The following DPP10 variants were observed in gnomAD, a reference collection of about 807,000 sequenced individuals.
DPP10 encodes inactive dipeptidyl peptidase 10.
A neutral mutation model predicts 120.9 loss-of-function variants in DPP10; 33 were observed. The observed-to-expected ratio is 0.27, with a 90% CI of 0.21 to 0.37. The LOEUF is 0.37. Among genes scored for constraint, DPP10 ranks in the 10% least tolerant of loss-of-function variants. The probability of loss-of-function intolerance (pLI) is 1.00; values close to 1 mark genes in which losing one functional copy is unlikely to be tolerated. For missense variants in DPP10, 816 were observed against 942.8 expected, an observed-to-expected ratio of 0.87 and a Z score of 1.76; for synonymous variants, 337 against 326.1, an observed-to-expected ratio of 1.03 and a Z score of -0.36.
chr2:115,402,258 C>T (rs961401737), intron 3 of DPP10, among the ~76,000 whole-genome samples: 21 of 152,116 alleles, frequency 1.4e-4, no homozygotes, highest in Admixed American at 6.5e-5. Flanking sequence ...ACCATTCAGG[C>T]ACTCTTTACA....
chr2:115,484,449 C>T (rs2075643603), intron 3 of DPP10, among the ~76,000 whole-genome samples: 1 of 152,060 alleles, frequency 6.6e-6, no homozygotes, highest in Non-Finnish European at 1.5e-5. Context: ...TAGGTTTGTG[C>T]CTAATTAGCA....
chr2:114,813,492 T>C (rs552642336), intron 1 of DPP10, among the ~76,000 whole-genome samples: 1 of 152,192 alleles, frequency 6.6e-6, no homozygotes, highest in Non-Finnish European at 1.5e-5. Flanking sequence ...TAGTCTTTAG[T>C]TCCTTCTCAA....
intron 1 of DPP10, among the ~76,000 whole-genome samples, chr2:114,620,940 T>A (rs1482502710): frequency 2.0e-5 from 3 of 152,122 alleles, no homozygotes; most frequent in African/African-American, 7.2e-5. Flanking sequence ...AAGAATATTG[T>A]ATCTCTACCA....
At chr2:115,007,927 A>T (rs1428900903) in intron 1 of DPP10, among the ~76,000 whole-genome samples, 2 of 152,168 alleles carry the variant, frequency 1.3e-5, no homozygotes, top group Non-Finnish European at 2.9e-5. Context: ...GAAATAAAAG[A>T]GGATACAAAC....
chr2:115,465,983 A>T (rs961260470), intron 3 of DPP10, among the ~76,000 whole-genome samples: 1 of 152,182 alleles, frequency 6.6e-6, no homozygotes, highest in Non-Finnish European at 1.5e-5. Flanking sequence ...ATAATTACCC[A>T]TTCCATAATG....
chr2:115,754,655 A>G (rs1354028663), intron 11 of DPP10, among the ~76,000 whole-genome samples: 1 of 152,180 alleles, frequency 6.6e-6, no homozygotes, highest in Non-Finnish European at 1.5e-5. Context: ...GATAAAGACT[A>G]TCAACAATGT....
intron 2 of DPP10, among the ~76,000 whole-genome samples, chr2:115,321,955 T>C (rs1327270355): frequency 6.6e-6 from 1 of 152,196 alleles, no homozygotes; most frequent in East Asian, 1.9e-4. Flanking sequence ...CCTTTAGCTC[T>C]TTATTCATGA....
intron 1 of DPP10, among the ~76,000 whole-genome samples, chr2:114,696,922 A>G (rs902342429): frequency 6.6e-6 from 1 of 152,102 alleles, no homozygotes; most frequent in Non-Finnish European, 1.5e-5. Context: ...AATTTCTACA[A>G]TGAAAAAATA....
chr2:114,934,094 G>T (rs551237408), intron 1 of DPP10, among the ~76,000 whole-genome samples: 19 of 152,272 alleles, frequency 1.2e-4, no homozygotes, highest in African/African-American at 4.1e-4. Flanking sequence ...GAAACCTCTT[G>T]CACTACACTG....
At chr2:114,835,808 G>A (rs1194795493) in intron 1 of DPP10, among the ~76,000 whole-genome samples, 1 of 152,040 alleles carries the variant, frequency 6.6e-6, no homozygotes, top group Non-Finnish European at 1.5e-5. Flanking sequence ...CCTTATTATT[G>A]TGTTTCTAAT....
intron 1 of DPP10, among the ~76,000 whole-genome samples, chr2:114,726,253 A>AAT (rs1702042709): frequency 6.6e-6 from 1 of 150,796 alleles, no homozygotes; most frequent in African/African-American, 2.4e-5. Flanking sequence ...AAAAAAAAAA[A>AAT]GTTCTTCCAT....
chr2:115,342,280 C>T (rs2063488855), intron 2 of DPP10: 1 of 347,054 alleles, frequency 2.9e-6, no homozygotes, highest in Non-Finnish European at 5.7e-6. Context: ...GATCTCAGCT[C>T]ACTGCAGCCT....
At chr2:114,511,637 C>T (rs146243216) in intron 1 of DPP10, among the ~76,000 whole-genome samples, 1 of 152,316 alleles carries the variant, frequency 6.6e-6, no homozygotes. Context: ...TTCTGAACCA[C>T]TCCCAGTCAA....
intron 5 of DPP10, among the ~76,000 whole-genome samples, chr2:115,538,305 A>G (rs998069704): frequency 1.3e-5 from 2 of 152,060 alleles, no homozygotes; most frequent in Non-Finnish European, 2.9e-5. Context: ...GAATAGCCAT[A>G]TCCAGAGAAC....
intron 1 of DPP10, among the ~76,000 whole-genome samples, chr2:115,173,053 A>G (rs1159348181): frequency 1.3e-5 from 2 of 152,218 alleles, no homozygotes; most frequent in Non-Finnish European, 2.9e-5. Context: ...ATATTTTGAA[A>G]ATGGAAAACT....
chr2:115,640,494 C>T (rs767796908), intron 5 of DPP10, among the ~76,000 whole-genome samples: 17 of 151,270 alleles, frequency 1.1e-4, no homozygotes, highest in Non-Finnish European at 1.6e-4. Context: ...ATCTTGATCT[C>T]GTTTATATGG....
intron 1 of DPP10, among the ~76,000 whole-genome samples, chr2:114,608,580 T>C (rs1378069556): frequency 6.6e-6 from 1 of 152,074 alleles, no homozygotes; most frequent in Non-Finnish European, 1.5e-5. Flanking sequence ...GGAATCATTG[T>C]ACCAAAAAGA....
intron 1 of DPP10, among the ~76,000 whole-genome samples, chr2:115,126,179 T>G (rs2050073807): frequency 6.6e-6 from 1 of 152,148 alleles, no homozygotes; most frequent in African/African-American, 2.4e-5. Context: ...AATGCAAAGG[T>G]GTGATCTTGG....
chr2:114,631,632 ACTCT>A (rs1197304126), intron 1 of DPP10, among the ~76,000 whole-genome samples: 2 of 151,646 alleles, frequency 1.3e-5, no homozygotes, highest in African/African-American at 4.8e-5. Flanking sequence ...CTAGCGAAAG[ACTCT>A]CTCTCCTTTA....
Sources: gnomAD v4.1 joint callset for allele counts (sites outside exome capture counted in the v4.1 genomes callset) on GRCh38, gnomAD v4.1.1 for gene constraint, MANE v1.5 for transcripts, NCBI Gene and HGNC (gene_info 2026-07-23, HGNC 2026-07-21) for gene names.